The following HORMAD2 variants were observed in gnomAD, a reference collection of about 807,000 sequenced individuals.
HORMAD2 encodes the protein HORMA domain containing 2.
HORMAD2 carries 45 observed loss-of-function variants against 38.8 expected under a neutral mutation model. That is an observed-to-expected ratio of 1.16 (90% CI 0.91 to 1.49). The LOEUF (loss-of-function observed/expected upper bound fraction) is 1.49, where lower values mean the gene tolerates loss of function less well. Ranked by LOEUF, HORMAD2 falls within the 40% of genes most tolerant of loss-of-function variation. The pLI is 0.00. For missense variants in HORMAD2, 338 were observed against 367.0 expected (o/e 0.92, Z 0.65); for synonymous variants, 126 against 122.8 (o/e 1.03, Z -0.17).
At chr22:30,188,948 C>T in the HORMAD2 span, among the ~76,000 whole-genome samples, 24 of 151,942 alleles carry the variant, frequency 1.6e-4, no homozygotes, top group African/African-American at 5.8e-4. Context: ...CCAGCCTGGG[C>T]AACATGGTGA....
the HORMAD2 span, among the ~76,000 whole-genome samples, chr22:30,201,833 G>A: frequency 1.3e-5 from 2 of 152,048 alleles, no homozygotes; most frequent in South Asian, 2.1e-4. Context: ...ATTTCAAGAT[G>A]TACATTGAAA....
chr22:30,111,792 G>C lies in HORMAD2; in HGVS notation c.295-4G>C, dbSNP rs374393016. The C allele has an allele frequency of 1.9e-6, 3 of 1,553,162 alleles. No homozygotes were observed. Among genetic ancestry groups the C allele is most frequent in the Non-Finnish European group, 2.6e-6 (3 of 1,146,310 alleles). On this transcript the variant is annotated splice_region_variant and splice_polypyrimidine_tract_variant and intron_variant, in intron 5 of 10. Coordinates refer to ENST00000336726, the MANE Select transcript of HORMAD2 (RefSeq NM_152510.4). The stretch of plus-strand genomic sequence containing the variant: ...ATAATAGTTTTTTTTTCTTTCTCTT[G>C]AAGCTACGTATGGCAGTACTGACAG...
intron 10 of HORMAD2, among the ~76,000 whole-genome samples, chr22:30,146,449 C>T (rs886288643): frequency 6.6e-6 from 1 of 152,100 alleles, no homozygotes; most frequent in Non-Finnish European, 1.5e-5. Context: ...GAGCCGAGAT[C>T]ATGCCACTGC....
chr22:30,090,141 T>C (rs1370761175), intron 1 of HORMAD2, among the ~76,000 whole-genome samples: 1 of 152,098 alleles, frequency 6.6e-6, no homozygotes, highest in East Asian at 1.9e-4. Flanking sequence ...GGCGGGTGGA[T>C]TGCCTGAACC....
At chr22:30,205,038 C>T in the HORMAD2 span, among the ~76,000 whole-genome samples, 22 of 152,110 alleles carry the variant, frequency 1.4e-4, no homozygotes, top group Non-Finnish European at 2.9e-4. Context: ...TCCCAGCAAC[C>T]GCTGCTGGGC....
At chr22:30,155,277 A>G (rs1037343750) in intron 10 of HORMAD2, among the ~76,000 whole-genome samples, 4 of 152,178 alleles carry the variant, frequency 2.6e-5, no homozygotes, top group Non-Finnish European at 5.9e-5. Context: ...AGTAGTTTAT[A>G]GAAGAGTACT....
the HORMAD2 span, among the ~76,000 whole-genome samples, chr22:30,186,965 G>A: frequency 2.0e-5 from 3 of 152,020 alleles, no homozygotes; most frequent in Admixed American, 6.6e-5. Flanking sequence ...ATGGCCTCTG[G>A]GAAGTAAGAA....
chr22:30,182,538 G>A, the HORMAD2 span, among the ~76,000 whole-genome samples: 1 of 152,166 alleles, frequency 6.6e-6, no homozygotes, highest in East Asian at 1.9e-4. Context: ...CTGGTGACGT[G>A]CAGTTTATGA....
chr22:30,173,420 T>C (rs1165175269), intron 10 of HORMAD2, among the ~76,000 whole-genome samples: 1 of 152,166 alleles, frequency 6.6e-6, no homozygotes, highest in East Asian at 1.9e-4. Flanking sequence ...TGGATGGATT[T>C]GAGAGCTATT....
the HORMAD2 span, among the ~76,000 whole-genome samples, chr22:30,204,984 C>T: frequency 6.6e-6 from 1 of 152,170 alleles, no homozygotes; most frequent in Non-Finnish European, 1.5e-5. Context: ...CTGGAGCCGG[C>T]CCGGGGTGGC....
At chr22:30,187,844 C>T in the HORMAD2 span, among the ~76,000 whole-genome samples, 1 of 151,874 alleles carries the variant, frequency 6.6e-6, no homozygotes, top group African/African-American at 2.4e-5. Context: ...ATTTCATTTA[C>T]GTTCACTTTA....
At chr22:30,087,077 T>A (rs982570418) in intron 1 of HORMAD2, among the ~76,000 whole-genome samples, 4 of 152,148 alleles carry the variant, frequency 2.6e-5, no homozygotes, top group Admixed American at 2.6e-4. Flanking sequence ...GTCAGGCTGG[T>A]CTTGAACTCC....
upstream of HORMAD2, chr22:30,080,439 G>C (rs1479191768): frequency 3.3e-5 from 5 of 152,500 alleles, 1 homozygote; most frequent in Admixed American, 3.3e-4. Context: ...GAGCGGGTTT[G>C]GGCCGGAAAA....
At chr22:30,081,821 G>A (rs1164048703) in intron 1 of HORMAD2, among the ~76,000 whole-genome samples, 1 of 151,950 alleles carries the variant, frequency 6.6e-6, no homozygotes, top group African/African-American at 2.4e-5. Context: ...TCTTGACCTC[G>A]TGATCCTCCC....
chr22:30,205,207 A>G, the HORMAD2 span, among the ~76,000 whole-genome samples: 1 of 152,254 alleles, frequency 6.6e-6, no homozygotes, highest in South Asian at 2.1e-4. Flanking sequence ...CACTTTACAG[A>G]TAGAATAACT....
intron 10 of HORMAD2, among the ~76,000 whole-genome samples, chr22:30,165,616 A>C (rs1925728774): frequency 1.3e-5 from 2 of 152,036 alleles, no homozygotes; most frequent in Non-Finnish European, 2.9e-5. Context: ...TAAAGTTATA[A>C]ATAATTTTTT....
chr22:30,150,615 C>A (rs1489749925), intron 10 of HORMAD2, among the ~76,000 whole-genome samples: 1 of 152,114 alleles, frequency 6.6e-6, no homozygotes, highest in Non-Finnish European at 1.5e-5. Context: ...ATGAGGCTTG[C>A]TGATTGTGGC....
intron 1 of HORMAD2, among the ~76,000 whole-genome samples, chr22:30,092,780 C>A (rs1254864112): frequency 6.6e-6 from 1 of 152,050 alleles, no homozygotes; most frequent in Non-Finnish European, 1.5e-5. Context: ...GTGACTTTGT[C>A]AAAAATAAGC....
intron 10 of HORMAD2, chr22:30,137,279 G>A (rs991777792): frequency 5.5e-6 from 3 of 541,534 alleles, no homozygotes. Context: ...TGACCCTTGA[G>A]GCCATCAGAT....
Sources: gnomAD v4.1 joint callset for allele counts (sites outside exome capture counted in the v4.1 genomes callset) on GRCh38, gnomAD v4.1.1 for gene constraint, MANE v1.5 for transcripts, NCBI Gene and HGNC (gene_info 2026-07-23, HGNC 2026-07-21) for gene names.